The following ATRNL1 variants were observed in gnomAD, a reference collection of about 807,000 sequenced individuals.
ATRNL1 encodes attractin-like protein 1.
ATRNL1 carries 95 observed loss-of-function variants against 182.7 expected under a neutral mutation model. That is an observed-to-expected ratio of 0.52 (90% confidence interval 0.44 to 0.62). The LOEUF is 0.62. Among genes scored for constraint, ATRNL1 ranks in the 20% least tolerant of loss-of-function variants. The pLI is 0.00. For synonymous variants in ATRNL1, 576 were observed against 568.3 expected (o/e 1.01, Z -0.19); for missense variants, 1,471 against 1,679.5 (o/e 0.88, Z 2.17).
chr10:115,511,448 C>A (rs981142645), intron 24 of ATRNL1, among the ~76,000 whole-genome samples: 1 of 151,938 alleles, frequency 6.6e-6, no homozygotes, highest in Non-Finnish European at 1.5e-5. Flanking sequence ...AAGACCCTCT[C>A]TTTCCCTTCA....
rs551902079 is a variant in ATRNL1 at position 115,105,080 on chromosome 10, T to G, written c.293+11037T>G. 2.0e-4 allele frequency among the ~76,000 whole-genome samples: 31 copies of G among 152,296 alleles called. 2 individuals are homozygous for G. The South Asian group carries it at 6.4e-3, about 32-fold the overall frequency. ...TATATTTTATGATTTTTTTTCTATT[T>G]TTGTGAAAAATGTCATTGGCATTTT... On this transcript the variant is annotated intron_variant, in intron 1 of 28. Transcript: ENST00000355044.
chr10:115,916,404 T>G (rs1371109160), intron 28 of ATRNL1, among the ~76,000 whole-genome samples: 1 of 152,214 alleles, frequency 6.6e-6, no homozygotes, highest in Non-Finnish European at 1.5e-5. Flanking sequence ...CAGAGACCTT[T>G]TGTTTGAAAT....
intron 21 of ATRNL1, among the ~76,000 whole-genome samples, chr10:115,446,052 A>G (rs1846969075): frequency 1.3e-5 from 2 of 152,136 alleles, no homozygotes; most frequent in African/African-American, 4.8e-5. Flanking sequence ...TTGGTGTAAT[A>G]TAATATGCTT....
chr10:115,638,259 C>T (rs1859018268), intron 26 of ATRNL1, among the ~76,000 whole-genome samples: 1 of 152,108 alleles, frequency 6.6e-6, no homozygotes, highest in Non-Finnish European at 1.5e-5. Context: ...GTCTTCAGTA[C>T]AGTAACATGC....
intron 23 of ATRNL1, among the ~76,000 whole-genome samples, chr10:115,468,208 T>C (rs1046227070): frequency 2.0e-5 from 3 of 150,776 alleles, no homozygotes; most frequent in Non-Finnish European, 4.5e-5. Flanking sequence ...TAACTTGTAC[T>C]GTTAATTTGA....
intron 26 of ATRNL1, among the ~76,000 whole-genome samples, chr10:115,676,259 G>T (rs1397847161): frequency 6.6e-6 from 1 of 151,908 alleles, no homozygotes; most frequent in Non-Finnish European, 1.5e-5. Context: ...CATGGCTGGA[G>T]AAAACAAAAA....
At chr10:115,548,008 A>G (rs532716121) in intron 25 of ATRNL1, among the ~76,000 whole-genome samples, 1 of 152,268 alleles carries the variant, frequency 6.6e-6, no homozygotes, top group Admixed American at 6.5e-5. Flanking sequence ...CAGAGTGATT[A>G]TGGGATGGAT....
intron 27 of ATRNL1, among the ~76,000 whole-genome samples, chr10:115,771,273 C>T (rs1948982902): frequency 6.6e-6 from 1 of 150,496 alleles, no homozygotes; most frequent in African/African-American, 2.5e-5. Flanking sequence ...CTCTTTCGCC[C>T]AGGCCGGACT....
chr10:115,732,748 T>C (rs893616674), intron 27 of ATRNL1, among the ~76,000 whole-genome samples: 1 of 152,188 alleles, frequency 6.6e-6, no homozygotes, highest in Non-Finnish European at 1.5e-5. Flanking sequence ...GCTTTTTATA[T>C]ATGCTGATTT....
chr10:115,936,223 G>GATGA (rs1171695703), intron 28 of ATRNL1, among the ~76,000 whole-genome samples: 2 of 152,148 alleles, frequency 1.3e-5, no homozygotes, highest in African/African-American at 2.4e-5. Context: ...CGGTGATGAT[G>GATGA]ATGAAGACTG....
chr10:115,532,270 G>A (rs569570601), intron 25 of ATRNL1, among the ~76,000 whole-genome samples: 9 of 152,286 alleles, frequency 5.9e-5, no homozygotes, highest in East Asian at 3.9e-4. Flanking sequence ...AGCATGGAAT[G>A]TTCTTCCATT....
intron 26 of ATRNL1, among the ~76,000 whole-genome samples, chr10:115,715,778 G>C (rs1555056097): frequency 6.6e-6 from 1 of 152,196 alleles, no homozygotes. Flanking sequence ...GCTAAGTAAA[G>C]AAGACTTGTC....
intron 27 of ATRNL1, among the ~76,000 whole-genome samples, chr10:115,842,508 A>G (rs143439728): frequency 0.01 from 1,594 of 152,104 alleles, 29 homozygotes; most frequent in African/African-American, 0.037. Flanking sequence ...AAATCATCCA[A>G]CCTACCTGTT....
rs560411156 is a variant in ATRNL1 at position 115,818,183 on chromosome 10, C to A, written c.3904-29694C>A. Among the ~76,000 whole-genome samples, 423 of 102,264 alleles carry A rather than the reference C, an allele frequency of 4.1e-3. 1 individual carries two copies. The highest frequency in any genetic ancestry group is 0.018 in the African/African-American group (409 of 22,852). The allele number at this position is 102,264 out of a possible 152,430, so 67.1% of individuals were successfully genotyped here. On this transcript the variant is annotated intron_variant, in intron 27 of 28. Coordinates refer to ENST00000355044, the MANE Select transcript of ATRNL1 (RefSeq NM_207303.4). ...GCTAAAGTCCAGGGTTTATTTGATT[C>A]CGTTTTTTTTTTTTTTTTGGACAGT...
chr10:115,587,073 A>G (rs1413668683), intron 26 of ATRNL1, among the ~76,000 whole-genome samples: 1 of 149,554 alleles, frequency 6.7e-6, no homozygotes, highest in Non-Finnish European at 1.5e-5. Flanking sequence ...CTCGGGGGTC[A>G]GGGGTCAGGG....
intron 13 of ATRNL1, among the ~76,000 whole-genome samples, chr10:115,272,260 G>T (rs1463832956): frequency 6.6e-6 from 1 of 151,988 alleles, no homozygotes; most frequent in Non-Finnish European, 1.5e-5. Flanking sequence ...CAGGGTGTAG[G>T]GTATGGTAAT....
At chr10:115,165,702 G>A (rs1847009032) in intron 7 of ATRNL1, 57 bp downstream of exon 7, 1 of 938,322 alleles carries the variant, frequency 1.1e-6, no homozygotes. Context: ...GTTTACCACA[G>A]GCTAAAAAAT....
intron 27 of ATRNL1, among the ~76,000 whole-genome samples, chr10:115,764,366 C>A (rs1269390171): frequency 1.3e-5 from 2 of 152,102 alleles, no homozygotes; most frequent in African/African-American, 4.8e-5. Flanking sequence ...GTTTTACCTT[C>A]TGTGGGTTTG....
At chr10:115,149,498 T>G (rs1350827412) in intron 5 of ATRNL1, among the ~76,000 whole-genome samples, 1 of 152,170 alleles carries the variant, frequency 6.6e-6, no homozygotes, top group Non-Finnish European at 1.5e-5. Context: ...CTTTTTTATA[T>G]CTTGGTATGT....
Sources: allele counts gnomAD v4.1 joint callset (sites outside exome capture counted in the v4.1 genomes callset), GRCh38; gene constraint gnomAD v4.1.1; transcripts MANE v1.5; gene names NCBI Gene and HGNC (gene_info 2026-07-23, HGNC 2026-07-21).